Variants in TOM1 observed in about 807,000 individuals in gnomAD.
TOM1 encodes target of Myb protein 1.
In TOM1, 38 loss-of-function variants were observed where a neutral mutation model predicts 61.3. That is an observed-to-expected ratio of 0.62 (90% CI 0.48 to 0.81). The LOEUF is 0.81. TOM1 is among the 40% of genes least tolerant of loss of function. The probability of loss-of-function intolerance (pLI) is 0.00; values close to 1 mark genes in which losing one functional copy is unlikely to be tolerated. For missense variants in TOM1, 591 were observed against 659.6 expected, an observed-to-expected ratio of 0.90 and a Z score of 1.14; for synonymous variants, 270 against 268.8, an observed-to-expected ratio of 1.00 and a Z score of -0.04.
chr22:35,336,235 C>CGTGG (rs1929325289), intron 11 of TOM1, among the ~76,000 whole-genome samples: 1 of 152,174 alleles, frequency 6.6e-6, no homozygotes, highest in African/African-American at 2.4e-5. Context: ...CAAGGTCAGG[C>CGTGG]GTGGACCTGA....
chr22:35,336,167 T>C (rs1179089128), intron 11 of TOM1, among the ~76,000 whole-genome samples: 2 of 152,182 alleles, frequency 1.3e-5, no homozygotes, highest in Non-Finnish European at 2.9e-5. Context: ...CTCAGGCCAT[T>C]GGTTCTCCTG....
In TOM1 at chr22:35,323,108, G is replaced by A. The variant is rs1179193804; in HGVS notation, c.297G>A (p.Leu99=). The part of the protein sequence containing the change: ...VASQDFVESV[L]VRTILPKNNP... Reference sequence around the variant, plus strand: ...GCCAGGACTTCGTGGAGAGTGTGCTGGTGAGGACCATCCTGCCCAAGAACA... The same window carrying A: ...GCCAGGACTTCGTGGAGAGTGTGCTAGTGAGGACCATCCTGCCCAAGAACA... The change falls in exon 4 of 15, where the codon CTG becomes CTA. Residue 99 remains leucine (L), a synonymous_variant. Coordinates refer to ENST00000449058, the MANE Select transcript of TOM1 (RefSeq NM_005488.3). The surrounding 1 kb of genome is among the most constrained non-coding windows in gnomAD (Gnocchi z 4.2). The A allele has an allele frequency of 1.5e-5, 24 of 1,614,178 alleles. No individual in the cohort carries two copies. The highest frequency in any genetic ancestry group is 3.3e-5 in the Admixed American group (2 of 60,028).
At chr22:35,309,985 C>T (rs948587079) in intron 1 of TOM1, among the ~76,000 whole-genome samples, 3 of 152,194 alleles carry the variant, frequency 2.0e-5, no homozygotes, top group African/African-American at 7.2e-5. Flanking sequence ...CCAGGGGGAG[C>T]ATCTTCCACA....
At chr22:35,321,913 A>C (rs1451716015) in intron 2 of TOM1, 46 bp from the exon 3 acceptor site, 1 of 1,516,944 alleles carries the variant, frequency 6.6e-7, no homozygotes, top group African/African-American at 1.4e-5. Context: ...GGTGTTAGGT[A>C]AGGGGGCTCT....
intron 1 of TOM1, among the ~76,000 whole-genome samples, chr22:35,317,662 G>A (rs1454117948): frequency 6.6e-6 from 1 of 152,028 alleles, no homozygotes; most frequent in Non-Finnish European, 1.5e-5. Flanking sequence ...AAGAGCAGAG[G>A]TACTCCGGCC....
chr22:35,307,062 C>T (rs1211095296), intron 1 of TOM1, among the ~76,000 whole-genome samples: 2 of 152,044 alleles, frequency 1.3e-5, no homozygotes, highest in Non-Finnish European at 2.9e-5. Flanking sequence ...CTCAGTGTCT[C>T]CTAATTAGCT....
At chr22:35,299,890 A>C (rs1925556347), upstream of TOM1, 3 of 1,566,896 alleles carry the variant, frequency 1.9e-6, no homozygotes, top group Non-Finnish European at 2.6e-6. Context: ...GGTTGCTGTC[A>C]GCTGATTCCC....
chr22:35,314,592 T>C (rs565621448), intron 1 of TOM1, among the ~76,000 whole-genome samples: 25 of 152,224 alleles, frequency 1.6e-4, no homozygotes, highest in Non-Finnish European at 2.6e-4. Flanking sequence ...TGATGTTCCC[T>C]CCTCCAGGAG....
At chr22:35,331,479 T>C in intron 8 of TOM1, 1 of 349,800 alleles carries the variant, frequency 2.9e-6, no homozygotes, top group Non-Finnish European at 5.7e-6. Flanking sequence ...TGAGCTTCAT[T>C]GTGCCTACCA....
chr22:35,318,222 G>A (rs1927477531), intron 2 of TOM1: 4 of 555,740 alleles, frequency 7.2e-6, no homozygotes, highest in African/African-American at 1.9e-5. Flanking sequence ...CACGGATCTG[G>A]AAGCCCAGCC....
At chr22:35,346,813 C>A in intron 13 of TOM1, 117 bp from the exon 14 acceptor site, 1 of 987,114 alleles carries the variant, frequency 1.0e-6, no homozygotes, top group Non-Finnish European at 1.5e-6. Context: ...GCGTGCAGAG[C>A]CTGAGCTGGG....
intron 1 of TOM1, 101 bp from the exon 2 acceptor site, chr22:35,317,776 C>T (rs1401544917): frequency 7.4e-6 from 6 of 811,186 alleles, no homozygotes; most frequent in South Asian, 2.8e-5. Context: ...TTCCTCCTCC[C>T]CATCTCATCC....
In TOM1 at chr22:35,323,754, T is replaced by C. The variant is rs1928065404; in HGVS notation, c.502-14T>C. 1.9e-6 allele frequency: 3 copies of C among 1,601,284 alleles called. No individual in the cohort carries two copies. Among genetic ancestry groups the C allele is most frequent in the Non-Finnish European group, 2.6e-6 (3 of 1,171,614 alleles). On this transcript the variant is annotated splice_polypyrimidine_tract_variant and intron_variant, in intron 5 of 14. Coordinates refer to ENST00000449058, the MANE Select transcript of TOM1 (RefSeq NM_005488.3). The surrounding 1 kb of genome is among the most constrained non-coding windows in gnomAD (Gnocchi z 4.2). ...TCCCAGGAGCCCTCACTGATCCTGT[T>C]TTCCTCCCACTAGACCGTGTTCAAC...
intron 3 of TOM1, chr22:35,322,582 T>C (rs913054086): frequency 1.6e-5 from 3 of 191,268 alleles, no homozygotes; most frequent in South Asian, 2.4e-4. Flanking sequence ...TCCAGGTGAA[T>C]TGGCTTAAGC....
At chr22:35,311,390 G>T (rs769684397) in intron 1 of TOM1, among the ~76,000 whole-genome samples, 5 of 152,240 alleles carry the variant, frequency 3.3e-5, no homozygotes, top group South Asian at 2.1e-4. Context: ...AAGCCTGAAG[G>T]TTGGCAGTTT....
At position 35,323,683 on chromosome 22, in the gene TOM1, C is replaced by T. The variant is rs1928058804; in HGVS notation, c.501+53C>T. 6.2e-7 allele frequency: 1 copy of T among 1,611,290 alleles called. No homozygotes were observed. Among genetic ancestry groups the T allele is most frequent in the Non-Finnish European group, 8.5e-7 (1 of 1,177,764 alleles). ...AGGGAAGGGAGGCAGGACTCATCCC[C>T]AGAGACATCACCAGGCTGGCCCCTG... On this transcript the variant is annotated intron_variant, in intron 5 of 14. Transcript: ENST00000449058. This position sits in a 1 kb window ranked among gnomAD's most constrained non-coding sequence, Gnocchi z 4.2.
At chr22:35,339,937 G>A (rs527321630) in intron 12 of TOM1, among the ~76,000 whole-genome samples, 1 of 152,236 alleles carries the variant, frequency 6.6e-6, no homozygotes, top group African/African-American at 2.4e-5. Context: ...CTAAAGCAGC[G>A]GGGAGAAATG....
chr22:35,341,596 G>C (rs1929887103), intron 12 of TOM1, among the ~76,000 whole-genome samples: 1 of 152,152 alleles, frequency 6.6e-6, no homozygotes, highest in African/African-American at 2.4e-5. Flanking sequence ...GTCAGAGGTT[G>C]ACTCCACCAC....
At chr22:35,339,675 C>T (rs903752651) in intron 12 of TOM1, among the ~76,000 whole-genome samples, 3 of 151,708 alleles carry the variant, frequency 2.0e-5, no homozygotes, top group East Asian at 1.9e-4. Context: ...GAGGCCGAGG[C>T]GGGCGGATCA....
Sources: allele counts gnomAD v4.1 joint callset (sites outside exome capture counted in the v4.1 genomes callset), GRCh38; gene constraint gnomAD v4.1.1; non-coding constraint Gnocchi (gnomAD v3.1); transcripts MANE v1.5; gene names NCBI Gene and HGNC (gene_info 2026-07-23, HGNC 2026-07-21).